Variants in RNF150 observed in about 807,000 individuals in gnomAD.
The protein encoded by RNF150 is ring finger protein 150.
In RNF150, 24 loss-of-function variants were observed where a neutral mutation model predicts 39.3. The observed-to-expected ratio is 0.61, with a 90% CI of 0.44 to 0.86. The LOEUF (loss-of-function observed/expected upper bound fraction) is 0.86. RNF150 is among the 40% of genes least tolerant of loss of function. The pLI, the probability that RNF150 is intolerant of heterozygous loss-of-function variation, is 0.00. For synonymous variants in RNF150, 255 were observed against 227.3 expected (o/e 1.12, Z -1.10); for missense variants, 502 against 587.8 (o/e 0.85, Z 1.51).
At chr4:141,099,225 G>A (rs1406502484) in intron 1 of RNF150, among the ~76,000 whole-genome samples, 1 of 152,098 alleles carries the variant, frequency 6.6e-6, no homozygotes, top group African/African-American at 2.4e-5. Flanking sequence ...TCTAAAAGAA[G>A]GAAATGCCTT....
chr4:140,903,431 C>T (rs1220963095), intron 6 of RNF150, among the ~76,000 whole-genome samples: 1 of 152,090 alleles, frequency 6.6e-6, no homozygotes, highest in Non-Finnish European at 1.5e-5. Flanking sequence ...ATGGCACTTC[C>T]CCATGATTTG....
intron 4 of RNF150, among the ~76,000 whole-genome samples, chr4:140,928,768 G>A (rs539296229): frequency 6.6e-6 from 1 of 152,092 alleles, no homozygotes; most frequent in East Asian, 1.9e-4. Context: ...GGATGGTCTC[G>A]ATCTCCTGAC....
At chr4:141,184,751 TA>T (rs1326307349) in intron 1 of RNF150, among the ~76,000 whole-genome samples, 1 of 152,216 alleles carries the variant, frequency 6.6e-6, no homozygotes, top group Non-Finnish European at 1.5e-5. Context: ...CACCTTTTAT[TA>T]AATAGGGAAT....
At chr4:141,106,576 T>A (rs1739216024) in intron 1 of RNF150, among the ~76,000 whole-genome samples, 1 of 152,102 alleles carries the variant, frequency 6.6e-6, no homozygotes. Flanking sequence ...GTGGATCACC[T>A]GAGGTTGGGA....
intron 6 of RNF150, among the ~76,000 whole-genome samples, chr4:140,881,652 A>G (rs548315888): frequency 4.0e-4 from 60 of 151,764 alleles, no homozygotes; most frequent in Non-Finnish European, 6.3e-4. Context: ...AGGTGGGAGG[A>G]TTGCTTGAAC....
At chr4:141,010,720 G>A (rs1310396895) in intron 1 of RNF150, among the ~76,000 whole-genome samples, 13 of 152,042 alleles carry the variant, frequency 8.6e-5, no homozygotes. Flanking sequence ...CACACCCGCC[G>A]CTAACAGCAC....
In RNF150 at chr4:141,133,202, G is replaced by A. The variant is rs1266570356; in HGVS notation, c.-394C>T. The A allele has an allele frequency of 4.3e-6, 1 of 235,290 alleles. No individual in the cohort carries two copies. Among genetic ancestry groups the A allele is most frequent in the East Asian group, 1.7e-4 (1 of 5,996 alleles). 14.6% of individuals were successfully genotyped at this position (235,290 alleles called of 1,614,324 possible). ...GCCCTGCGCCCTCCAGCCCCGGCGG[G>A]GACGGGCACGATTGCTCGTAGTCTG... On this transcript the variant is annotated 5_prime_UTR_variant, in exon 1 of 7. Transcript: ENST00000515673.
intron 1 of RNF150, among the ~76,000 whole-genome samples, chr4:141,040,169 A>ACACG (rs1469115875): frequency 2.6e-5 from 4 of 151,210 alleles, no homozygotes; most frequent in African/African-American, 9.7e-5. Flanking sequence ...TAACACAACC[A>ACACG]CACACACACA....
intron 1 of RNF150, among the ~76,000 whole-genome samples, chr4:141,156,594 A>C (rs1356162223): frequency 6.6e-6 from 1 of 152,032 alleles, no homozygotes; most frequent in Non-Finnish European, 1.5e-5. Context: ...ATTATATTTA[A>C]TTAAAAATAT....
intron 1 of RNF150, among the ~76,000 whole-genome samples, chr4:141,018,232 A>T (rs1735354924): frequency 6.6e-6 from 1 of 152,010 alleles, no homozygotes; most frequent in Non-Finnish European, 1.5e-5. Flanking sequence ...TTGTGTTTTG[A>T]ATTCACCCTT....
intron 1 of RNF150, among the ~76,000 whole-genome samples, chr4:141,162,537 T>C (rs1165493087): frequency 3.9e-5 from 6 of 152,150 alleles, no homozygotes; most frequent in African/African-American, 1.2e-4. Context: ...TAGGAACAGC[T>C]CCTGTCTGCA....
chr4:141,188,286 C>A (rs1728047738), intron 1 of RNF150, among the ~76,000 whole-genome samples: 1 of 152,144 alleles, frequency 6.6e-6, no homozygotes. Flanking sequence ...AACATTTTTT[C>A]CTTCGTTTCA....
At chr4:140,993,617 G>C (rs1302081977) in intron 1 of RNF150, among the ~76,000 whole-genome samples, 1 of 152,154 alleles carries the variant, frequency 6.6e-6, no homozygotes, top group East Asian at 1.9e-4. Flanking sequence ...CTGTTTATAT[G>C]GCCTTGTTTA....
chr4:140,899,974 C>CTCTGTGTGTGTGTGTGTGTG (rs1365683071), intron 6 of RNF150, among the ~76,000 whole-genome samples: 1 of 69,166 alleles, frequency 1.4e-5, no homozygotes, highest in African/African-American at 4.3e-5. Flanking sequence ...CTCTCTCTCT[C>CTCTGTGTGTGTGTGTGTGTG]TGTGTGTGTG....
At chr4:141,060,389 C>T (rs1048872700) in intron 1 of RNF150, among the ~76,000 whole-genome samples, 14 of 152,260 alleles carry the variant, frequency 9.2e-5, no homozygotes, top group Admixed American at 3.9e-4. Flanking sequence ...TGCACTGAGC[C>T]ATGGCTGAGC....
At chr4:141,187,458 G>T (rs924391705) in intron 1 of RNF150, among the ~76,000 whole-genome samples, 3 of 152,166 alleles carry the variant, frequency 2.0e-5, no homozygotes, top group African/African-American at 7.2e-5. Context: ...GGGAGTTAAA[G>T]TCTCTCACTA....
intron 5 of RNF150, among the ~76,000 whole-genome samples, chr4:140,918,671 C>T (rs1010263112): frequency 6.6e-6 from 1 of 151,828 alleles, no homozygotes. Context: ...GGAAATCCTC[C>T]CTAACTCATT....
At chr4:140,984,463 A>G (rs1172044650) in intron 1 of RNF150, among the ~76,000 whole-genome samples, 1 of 152,130 alleles carries the variant, frequency 6.6e-6, no homozygotes, top group African/African-American at 2.4e-5. Context: ...TTTTAGGAAG[A>G]TCTCAAGTCT....
chr4:141,207,972 AAGC>A (rs1560778844), intron 1 of RNF150, among the ~76,000 whole-genome samples: 1 of 152,214 alleles, frequency 6.6e-6, no homozygotes, highest in Non-Finnish European at 1.5e-5. Flanking sequence ...AAACAAAAAA[AAGC>A]GTTGAGGAAA....
Sources: allele counts gnomAD v4.1 joint callset (sites outside exome capture counted in the v4.1 genomes callset), GRCh38; gene constraint gnomAD v4.1.1; transcripts MANE v1.5; gene names NCBI Gene and HGNC (gene_info 2026-07-23, HGNC 2026-07-21).